FAM184B: variants seen among roughly 807,000 people sequenced by gnomAD.
FAM184B encodes the protein protein FAM184B.
Under a neutral mutation model 135.9 loss-of-function variants are expected in FAM184B, and 111 were observed. That is an observed-to-expected ratio of 0.82 (90% CI 0.70 to 0.96). The LOEUF is 0.96. FAM184B is among the 40% of genes least tolerant of loss of function. The pLI is 0.00. For missense variants in FAM184B, 1,375 were observed against 1,323.9 expected (o/e 1.04, Z -0.60); for synonymous variants, 552 against 524.8 (o/e 1.05, Z -0.71).
At chr4:17,765,750 G>T in intron 1 of FAM184B, among the ~76,000 whole-genome samples, 1 of 152,206 alleles carries the variant, frequency 6.6e-6, no homozygotes, top group Admixed American at 6.5e-5. Context: ...CTGACTTGAA[G>T]AATAAAGCCA....
At chr4:17,751,167 G>T (rs1285568300) in intron 1 of FAM184B, among the ~76,000 whole-genome samples, 1 of 152,050 alleles carries the variant, frequency 6.6e-6, no homozygotes, top group Non-Finnish European at 1.5e-5. Context: ...ATTTAGCCGG[G>T]TGTGGTGGTG....
At chr4:17,750,488 C>T (rs1196094440) in intron 1 of FAM184B, among the ~76,000 whole-genome samples, 1 of 152,216 alleles carries the variant, frequency 6.6e-6, no homozygotes, top group Admixed American at 6.5e-5. Context: ...GGGTTTCACT[C>T]TCAGTGACGC....
At chr4:17,776,219 T>C (rs1226088117) in intron 1 of FAM184B, among the ~76,000 whole-genome samples, 4 of 152,162 alleles carry the variant, frequency 2.6e-5, no homozygotes, top group Non-Finnish European at 4.4e-5. Flanking sequence ...ACAAGTCAAC[T>C]ATAATATCAT....
rs895824512 is a variant in FAM184B, at chr4:17,631,177, G to A, written c.*1355C>T. 1.3e-5 allele frequency: 2 copies of A among 152,104 alleles called. No homozygotes were observed. Among genetic ancestry groups the A allele is most frequent in the African/African-American group, 2.4e-5 (1 of 41,368 alleles). The allele number at this position is 152,104 out of a possible 1,614,324, so 9.4% of individuals were successfully genotyped here. On this transcript the variant is annotated 3_prime_UTR_variant, in exon 18 of 18. Coordinates refer to ENST00000265018, the MANE Select transcript of FAM184B (RefSeq NM_015688.2). ...AGAAGCAACACACCATGAGGCAAAT[G>A]GCTCAAACCCAAAGACCAGAGGTTC...
chr4:17,684,686 A>G (rs1383158124), intron 7 of FAM184B, among the ~76,000 whole-genome samples: 2 of 152,194 alleles, frequency 1.3e-5, no homozygotes, highest in African/African-American at 2.4e-5. Flanking sequence ...TGAAACTGAT[A>G]TTTGTCGAGG....
rs1029910127 is a variant in FAM184B, at chr4:17,633,827, G to A, written c.2951C>T (p.Ala984Val). Reference protein sequence around the residue: ...VVSVPNLASYAKNFLSGDLSS... With the variant: ...VVSVPNLASYVKNFLSGDLSS... ...CAGATCGCCACTCAGAAAGTTCTTT[G>A]CATAGGAGGCGAGGTTCGGCACGCT... The change falls in exon 17 of 18, where the codon GCA (alanine) becomes GTA (valine). Residue 984 changes from alanine (A) to valine (V), a missense_variant. Physicochemically the swap from Ala to Val is moderately conservative, Grantham distance 64. Coordinates refer to ENST00000265018, the MANE Select transcript of FAM184B (RefSeq NM_015688.2). 3 of 1,551,424 alleles carry A rather than the reference G, an allele frequency of 1.9e-6. No homozygotes were observed. Among genetic ancestry groups the A allele is most frequent in the African/African-American group, 2.7e-5 (2 of 73,032 alleles).
chr4:17,735,654 C>T (rs1025411832), intron 1 of FAM184B, among the ~76,000 whole-genome samples: 13 of 152,162 alleles, frequency 8.5e-5, no homozygotes, highest in Admixed American at 2.6e-4. Context: ...AAAAAGAAAC[C>T]CTTCTCTATC....
chr4:17,635,651 A>G (rs1041084999), intron 15 of FAM184B, among the ~76,000 whole-genome samples: 2 of 145,716 alleles, frequency 1.4e-5, no homozygotes, highest in Non-Finnish European at 3.0e-5. Flanking sequence ...ATCAGTATGT[A>G]TTTCTTAGAA....
At chr4:17,675,650 G>GA (rs1716294904) in intron 7 of FAM184B, among the ~76,000 whole-genome samples, 1 of 152,210 alleles carries the variant, frequency 6.6e-6, no homozygotes, top group Non-Finnish European at 1.5e-5. Context: ...TGTCTACATT[G>GA]AAAATCTGTT....
At position 17,660,025 on chromosome 4, in the gene FAM184B, T is replaced by C. The variant is rs1213039206; in HGVS notation, c.1757A>G (p.Glu586Gly). 1.3e-6 allele frequency: 2 copies of C among 1,551,622 alleles called. No individual in the cohort carries two copies. Among genetic ancestry groups the C allele is most frequent in the Non-Finnish European group, 8.7e-7 (1 of 1,146,996 alleles). ...TAGACGCTGGATTTTGGATGTTTTC[T>C]CCTTCAACAAAGAGCCCAGTGGAGG... ...PQPPLGSLLK[E>G]KTSKIQRLEE... The change falls in exon 9 of 18, where the codon GAG becomes GGG. Residue 586 changes from glutamate (E) to glycine (G), a missense_variant. Coordinates refer to ENST00000265018, the MANE Select transcript of FAM184B (RefSeq NM_015688.2).
chr4:17,732,210 C>T (rs1303345514), intron 1 of FAM184B, among the ~76,000 whole-genome samples: 2 of 152,160 alleles, frequency 1.3e-5, no homozygotes, highest in Non-Finnish European at 2.9e-5. Context: ...ATTTATAGCA[C>T]TAAATGCCCA....
intron 1 of FAM184B, among the ~76,000 whole-genome samples, chr4:17,736,243 C>T (rs1024649653): frequency 2.6e-5 from 4 of 152,096 alleles, no homozygotes; most frequent in Non-Finnish European, 5.9e-5. Flanking sequence ...GATTCTGTTC[C>T]GTCTGACTCC....
At chr4:17,720,883 T>TAAAAAAAAA (rs59409749) in intron 1 of FAM184B, among the ~76,000 whole-genome samples, 1 of 100,324 alleles carries the variant, frequency 1.0e-5, no homozygotes, top group Non-Finnish European at 2.0e-5. Context: ...AGACTTCATC[T>TAAAAAAAAA]AAAAAAAAAA....
chr4:17,708,697 A>AG lies in FAM184B; in HGVS notation c.894+194_894+195insC, dbSNP rs1381561446. ...TATATATATATATATATATATATAT[A>AG]TATATATATATAGTGTCTGTGTGTG... is the stretch of plus-strand genomic sequence containing the variant. On this transcript the variant is annotated intron_variant, in intron 2 of 17. Coordinates refer to ENST00000265018, the MANE Select transcript of FAM184B (RefSeq NM_015688.2). Among the ~76,000 whole-genome samples, 412 of 53,162 alleles carry AG rather than the reference A, an allele frequency of 7.7e-3. 2 individuals are homozygous for AG. The highest frequency in any genetic ancestry group is 0.012 in the Non-Finnish European group (356 of 30,450). The allele number at this position is 53,162 out of a possible 152,430, so 34.9% of individuals were successfully genotyped here.
chr4:17,652,746 C>T, intron 11 of FAM184B, 84 bp downstream of exon 11: 3 of 1,461,098 alleles, frequency 2.1e-6, no homozygotes, highest in Non-Finnish European at 2.8e-6. Flanking sequence ...AACCCTGGAG[C>T]CCTGGCCCTC....
intron 1 of FAM184B, among the ~76,000 whole-genome samples, chr4:17,775,978 A>G (rs1448676391): frequency 6.6e-5 from 10 of 152,280 alleles, no homozygotes; most frequent in South Asian, 4.2e-4. Flanking sequence ...GCACATTTGT[A>G]CCCCCTAAAT....
intron 1 of FAM184B, among the ~76,000 whole-genome samples, chr4:17,722,513 C>T (rs1255946464): frequency 6.6e-6 from 1 of 152,208 alleles, no homozygotes; most frequent in Non-Finnish European, 1.5e-5. Flanking sequence ...TTGCTAGGCA[C>T]CTAGCTGCAC....
At chr4:17,642,665 C>G (rs948992576) in intron 12 of FAM184B, among the ~76,000 whole-genome samples, 3 of 152,202 alleles carry the variant, frequency 2.0e-5, no homozygotes, top group African/African-American at 7.2e-5. Flanking sequence ...AACTCTGGCT[C>G]TGTAAGGGGT....
chr4:17,756,435 A>G (rs1718423145), intron 1 of FAM184B, among the ~76,000 whole-genome samples: 1 of 152,220 alleles, frequency 6.6e-6, no homozygotes, highest in Non-Finnish European at 1.5e-5. Context: ...TAAATTTACA[A>G]TGATATCCTC....
Sources: allele counts gnomAD v4.1 joint callset (sites outside exome capture counted in the v4.1 genomes callset), GRCh38; gene constraint gnomAD v4.1.1; transcripts MANE v1.5; gene names NCBI Gene and HGNC (gene_info 2026-07-23, HGNC 2026-07-21).